Variants in SHANK2 observed in about 807,000 individuals in gnomAD.
The protein encoded by SHANK2 is SH3 and multiple ankyrin repeat domains 2, also known as SH3 and multiple ankyrin repeat domains protein 2.
A neutral mutation model predicts 133.7 loss-of-function variants in SHANK2; 43 were observed. That is an observed-to-expected ratio of 0.32 (90% CI 0.25 to 0.41). The LOEUF (loss-of-function observed/expected upper bound fraction) is 0.41, where lower values mean the gene tolerates loss of function less well. SHANK2 is among the 10% of genes least tolerant of loss of function. SHANK2 has a pLI of 1.00. For synonymous variants in SHANK2, 1,017 were observed against 952.8 expected, an observed-to-expected ratio of 1.07 and a Z score of -1.24; for missense variants, 1,994 against 2,235.8, an observed-to-expected ratio of 0.89 and a Z score of 2.18.
At chr11:70,516,417 C>T (rs1554970080) in intron 17 of SHANK2, among the ~76,000 whole-genome samples, 1 of 152,182 alleles carries the variant, frequency 6.6e-6, no homozygotes, top group African/African-American at 2.4e-5. Flanking sequence ...CATCCACATG[C>T]AAAAATGAAT....
intron 13 of SHANK2, among the ~76,000 whole-genome samples, chr11:70,803,810 TAAA>T (rs553608014): frequency 8.4e-5 from 11 of 130,320 alleles, no homozygotes; most frequent in Admixed American, 1.5e-4. Context: ...GCCCTTGAAT[TAAA>T]AAAAAAAAAA....
intron 14 of SHANK2, among the ~76,000 whole-genome samples, chr11:70,788,615 A>G (rs1409785932): frequency 2.0e-5 from 3 of 152,098 alleles, no homozygotes; most frequent in Admixed American, 6.5e-5. Context: ...CAGGCACCCA[A>G]TGGGGGTCTT....
chr11:70,612,172 G>A (rs1423065570), intron 17 of SHANK2, among the ~76,000 whole-genome samples: 2 of 152,202 alleles, frequency 1.3e-5, no homozygotes, highest in Non-Finnish European at 2.9e-5. Flanking sequence ...CTGTGGGGAT[G>A]TGTGTTCTCA....
chr11:70,828,000 CG>C (rs1948671690), intron 11 of SHANK2, among the ~76,000 whole-genome samples: 2 of 152,264 alleles, frequency 1.3e-5, no homozygotes, highest in African/African-American at 4.8e-5. Flanking sequence ...ATCTCTTGGC[CG>C]GGTGCGGTGG....
rs116756207 is a variant in SHANK2 at position 71,237,020 on chromosome 11, C to T, written c.-112-12224G>A. Among the ~76,000 whole-genome samples, 464 of 152,344 alleles carry T rather than the reference C, an allele frequency of 3.0e-3. 1 individual carries two copies. Among genetic ancestry groups the T allele is most frequent in the African/African-American group, 0.01 (428 of 41,584 alleles). ...CAGTAATGGCTCCAATCAGTCATAC[C>T]TCCTGGATCTAGCATTTTGGGAAGT... On this transcript the variant is annotated intron_variant, in intron 1 of 25. Coordinates refer to ENST00000601538, the MANE Select transcript of SHANK2 (RefSeq NM_012309.5).
chr11:70,609,173 C>T (rs782548994), intron 17 of SHANK2, among the ~76,000 whole-genome samples: 8 of 152,212 alleles, frequency 5.3e-5, no homozygotes, highest in African/African-American at 1.7e-4. Flanking sequence ...AAGCCCTGCT[C>T]GGACAATGCT....
chr11:70,861,601 T>A (rs1949258822), intron 11 of SHANK2, among the ~76,000 whole-genome samples: 1 of 152,190 alleles, frequency 6.6e-6, no homozygotes, highest in Admixed American at 6.5e-5. Context: ...ATGTCAGAGT[T>A]AATTGCACTG....
rs143365314 is a variant in SHANK2, at chr11:71,204,018, C to T, written c.-13+20679G>A. 3.0e-3 allele frequency among the ~76,000 whole-genome samples: 462 copies of T among 152,254 alleles called. 2 individuals are homozygous for T. The highest frequency in any genetic ancestry group is 0.011 in the African/African-American group (439 of 41,548). Reference sequence around the variant, plus strand: ...TTTTGCCTTTGCTGATTCCACCCTTCGCTGTGATGAACCCTGCCTGTCGCT... The same window carrying T: ...TTTTGCCTTTGCTGATTCCACCCTTTGCTGTGATGAACCCTGCCTGTCGCT... On this transcript the variant is annotated intron_variant, in intron 2 of 25. Coordinates refer to ENST00000601538, the MANE Select transcript of SHANK2 (RefSeq NM_012309.5).
chr11:71,140,431 G>T (rs1291665576), intron 3 of SHANK2, among the ~76,000 whole-genome samples: 2 of 152,192 alleles, frequency 1.3e-5, no homozygotes, highest in African/African-American at 4.8e-5. Context: ...CCCTGCAAGG[G>T]GAAGATTACC....
chr11:70,950,560 C>G (rs1425836157), intron 10 of SHANK2, among the ~76,000 whole-genome samples: 1 of 152,170 alleles, frequency 6.6e-6, no homozygotes, highest in Non-Finnish European at 1.5e-5. Flanking sequence ...GTAATCACCT[C>G]CAAAAGGTCC....
intron 17 of SHANK2, among the ~76,000 whole-genome samples, chr11:70,527,295 G>A (rs1779612134): frequency 6.6e-6 from 1 of 152,242 alleles, no homozygotes; most frequent in Admixed American, 6.5e-5. Flanking sequence ...CGGCCTGGCT[G>A]TGGACTTGTG....
At chr11:71,207,449 G>C (rs1954150080) in intron 2 of SHANK2, among the ~76,000 whole-genome samples, 2 of 151,976 alleles carry the variant, frequency 1.3e-5, no homozygotes, top group Non-Finnish European at 2.9e-5. Context: ...CAAAGTGCTG[G>C]GATTACAGGC....
chr11:71,232,157 T>C (rs782086485), intron 1 of SHANK2, among the ~76,000 whole-genome samples: 6 of 152,172 alleles, frequency 3.9e-5, no homozygotes, highest in Non-Finnish European at 8.8e-5. Flanking sequence ...CATTTCTGTA[T>C]AATTACTGAA....
chr11:71,239,014 G>A (rs534085279), intron 1 of SHANK2, among the ~76,000 whole-genome samples: 4 of 152,330 alleles, frequency 2.6e-5, no homozygotes, highest in South Asian at 4.1e-4. Flanking sequence ...AAGGGGACCC[G>A]GGGAACCCAA....
chr11:71,133,194 A>ATGGGTGGCTGGGTAGG (rs201232411), intron 3 of SHANK2, among the ~76,000 whole-genome samples: 9,897 of 140,322 alleles, frequency 0.071, 1,385 homozygotes, highest in African/African-American at 0.27. Context: ...GGATGCATGG[A>ATGGGTGGCTGGGTAGG]TGGGTGGCTG....
chr11:71,073,147 C>CTTTCTTTTTTTT (rs1951166746), intron 9 of SHANK2, among the ~76,000 whole-genome samples: 3 of 62,758 alleles, frequency 4.8e-5, no homozygotes, highest in African/African-American at 1.3e-4. Context: ...TTTTTCTTTT[C>CTTTCTTTTTTTT]TTTTTTTTCT....
At chr11:71,063,062 A>C (rs1458639808) in intron 9 of SHANK2, among the ~76,000 whole-genome samples, 1 of 151,280 alleles carries the variant, frequency 6.6e-6, no homozygotes, top group African/African-American at 2.4e-5. Flanking sequence ...AAGAAAAGGA[A>C]GGAAGGGAGG....
chr11:70,669,678 A>G (rs1210183638), intron 15 of SHANK2: 3 of 152,640 alleles, frequency 2.0e-5, no homozygotes, highest in African/African-American at 7.2e-5. Flanking sequence ...CAAAATCCAA[A>G]GAGAAAACAA....
At chr11:70,547,234 G>A (rs571235174) in intron 17 of SHANK2, among the ~76,000 whole-genome samples, 11 of 152,236 alleles carry the variant, frequency 7.2e-5, no homozygotes, top group Admixed American at 2.6e-4. Flanking sequence ...CTCCCCTACC[G>A]CAATAGTCCT....
Sources: gnomAD v4.1 joint callset for allele counts (sites outside exome capture counted in the v4.1 genomes callset) on GRCh38, gnomAD v4.1.1 for gene constraint, MANE v1.5 for transcripts, NCBI Gene and HGNC (gene_info 2026-07-23, HGNC 2026-07-21) for gene names.